LRP1B: variants seen among roughly 807,000 people sequenced by gnomAD.
The protein encoded by LRP1B is low-density lipoprotein receptor-related protein 1B.
LRP1B carries 217 observed loss-of-function variants against 556.6 expected under a neutral mutation model. The ratio of observed to expected loss-of-function variants is 0.39; its 90% CI spans 0.35 to 0.44. The LOEUF is 0.44. Ranked by LOEUF, LRP1B falls within the 20% of genes least tolerant of loss-of-function variation. The pLI, the probability that LRP1B is intolerant of heterozygous loss-of-function variation, is 1.00. For synonymous variants in LRP1B, 2,047 were observed against 1,865.8 expected, an observed-to-expected ratio of 1.10 and a Z score of -2.50; for missense variants, 5,053 against 5,620.8, an observed-to-expected ratio of 0.90 and a Z score of 3.23.
chr2:141,684,379 C>T (rs142993636), intron 2 of LRP1B, among the ~76,000 whole-genome samples: 33,685 of 151,932 alleles, frequency 0.22, 4,368 homozygotes, highest in East Asian at 0.5. Flanking sequence ...TGCATGTTCT[C>T]TCTCATAAGT....
At chr2:140,829,756 A>G (rs1691650666) in intron 31 of LRP1B, among the ~76,000 whole-genome samples, 1 of 152,072 alleles carries the variant, frequency 6.6e-6, no homozygotes, top group African/African-American at 2.4e-5. Flanking sequence ...TAGTAGAAGA[A>G]AAATAATGAT....
At chr2:141,392,612 G>A (rs984509034) in intron 3 of LRP1B, among the ~76,000 whole-genome samples, 3 of 152,102 alleles carry the variant, frequency 2.0e-5, no homozygotes, top group African/African-American at 7.2e-5. Flanking sequence ...AGAATCTGCT[G>A]GAAGCCAAGT....
intron 35 of LRP1B, among the ~76,000 whole-genome samples, chr2:140,767,645 A>T (rs142271226): frequency 2.0e-5 from 3 of 151,126 alleles, no homozygotes; most frequent in African/African-American, 7.3e-5. Context: ...TATTTTTTTT[A>T]ATTATTATTT....
At chr2:140,599,179 T>C (rs1312270105) in intron 42 of LRP1B, among the ~76,000 whole-genome samples, 1 of 152,094 alleles carries the variant, frequency 6.6e-6, no homozygotes, top group Admixed American at 6.6e-5. Flanking sequence ...ACTGCAAATA[T>C]ACCCTAACTT....
Position 141,048,232 on chromosome 2 carries a change from T to C in LRP1B, c.1789+754A>G, listed in dbSNP as rs1032528743. Among the ~76,000 whole-genome samples the C allele has an allele frequency of 1.8e-4, 28 of 152,210 alleles. 1 individual carries two copies. The highest frequency in any genetic ancestry group is 6.7e-4 in the African/African-American group (28 of 41,574). ...CAGACTTTATACATGAGGAAACAGG[T>C]CCAGAATCATTAGTTAACATGCCTA... On this transcript the variant is annotated intron_variant, in intron 11 of 90. Coordinates refer to ENST00000389484, the MANE Select transcript of LRP1B (RefSeq NM_018557.3).
intron 2 of LRP1B, among the ~76,000 whole-genome samples, chr2:141,574,691 T>C (rs1686670667): frequency 6.6e-6 from 1 of 152,018 alleles, no homozygotes; most frequent in Non-Finnish European, 1.5e-5. Context: ...TGACATTATT[T>C]TATATTAAGA....
At chr2:141,918,001 T>C (rs1700083282) in intron 1 of LRP1B, among the ~76,000 whole-genome samples, 1 of 152,114 alleles carries the variant, frequency 6.6e-6, no homozygotes, top group South Asian at 2.1e-4. Context: ...AAACATTATA[T>C]ATTATGCATA....
intron 77 of LRP1B, among the ~76,000 whole-genome samples, chr2:140,350,302 T>C (rs1411574776): frequency 1.3e-5 from 2 of 152,052 alleles, no homozygotes; most frequent in African/African-American, 4.8e-5. Flanking sequence ...TATTTCTGTT[T>C]TGGATATTTC....
At chr2:140,868,401 G>A (rs186156241) in intron 25 of LRP1B, 138 bp from the exon 26 acceptor site, 95 of 720,610 alleles carry the variant, frequency 1.3e-4, no homozygotes, top group Middle Eastern at 4.3e-4. Flanking sequence ...ATCTATCCTC[G>A]TGGGGCTTAT....
intron 3 of LRP1B, among the ~76,000 whole-genome samples, chr2:141,433,328 G>C (rs1374783971): frequency 1.3e-5 from 2 of 151,990 alleles, no homozygotes; most frequent in African/African-American, 4.8e-5. Context: ...TCCTATCCTA[G>C]AAAGTGGTCC....
At chr2:142,080,197 A>T (rs1184798954) in intron 1 of LRP1B, among the ~76,000 whole-genome samples, 4 of 152,158 alleles carry the variant, frequency 2.6e-5, no homozygotes, top group South Asian at 2.1e-4. Flanking sequence ...CTGCTGCTAC[A>T]TGTCTTCCAG....
chr2:140,771,116 A>C (rs1312966085), intron 33 of LRP1B, 110 bp from the exon 34 acceptor site: 4 of 701,216 alleles, frequency 5.7e-6, no homozygotes, highest in Non-Finnish European at 9.1e-6. Flanking sequence ...TTCTAAATGC[A>C]GCTGTTTCAT....
chr2:141,013,892 T>C, intron 13 of LRP1B, 147 bp from the exon 14 acceptor site: 1 of 488,752 alleles, frequency 2.0e-6, no homozygotes, highest in Non-Finnish European at 3.4e-6. Flanking sequence ...AAAATGGATT[T>C]CACAATGTGA....
intron 49 of LRP1B, among the ~76,000 whole-genome samples, chr2:140,517,984 C>T (rs763155354): frequency 2.6e-5 from 4 of 152,200 alleles, no homozygotes; most frequent in Admixed American, 2.6e-4. Context: ...GCTGGGATTA[C>T]AGGTGTGAGC....
At chr2:141,854,702 GA>G (rs1697988613) in intron 1 of LRP1B, among the ~76,000 whole-genome samples, 3 of 152,050 alleles carry the variant, frequency 2.0e-5, no homozygotes, top group Admixed American at 2.0e-4. Context: ...GCATAAAGGG[GA>G]AAAATATTTA....
rs1193232251 is a variant in LRP1B at position 140,350,834 on chromosome 2, T to C, written c.11855A>G (p.His3952Arg). 2.5e-6 allele frequency: 4 copies of C among 1,611,552 alleles called. No individual in the cohort carries two copies. Among genetic ancestry groups the C allele is most frequent in the East Asian group, 2.2e-5 (1 of 44,492 alleles). Residue 3952 changes from histidine to arginine, a missense_variant, in exon 77 of 91, where the codon CAT becomes CGT. His to Arg is a conservative substitution (Grantham distance 29). Coordinates refer to ENST00000389484, the MANE Select transcript of LRP1B (RefSeq NM_018557.3). ...GTTTGCTTGCCTTTTTTCTCTGCCA[T>C]GGATCCTTTTGTAGAAAATTCCGCC... ...NPGGIFYKRI[H>R]GREKRQANSG...
chr2:140,733,990 T>A (rs288118), intron 35 of LRP1B, among the ~76,000 whole-genome samples: 6 of 152,152 alleles, frequency 3.9e-5, no homozygotes, highest in African/African-American at 9.7e-5. Context: ...CTGGGAATAC[T>A]CCTGCTTAAC....
At chr2:141,819,937 C>T (rs1307724398) in intron 1 of LRP1B, among the ~76,000 whole-genome samples, 1 of 152,060 alleles carries the variant, frequency 6.6e-6, no homozygotes, top group Non-Finnish European at 1.5e-5. Flanking sequence ...AATAATTACA[C>T]ATTATTTTTG....
At chr2:142,030,875 T>A (rs1703667893) in intron 1 of LRP1B, among the ~76,000 whole-genome samples, 1 of 151,924 alleles carries the variant, frequency 6.6e-6, no homozygotes, top group Non-Finnish European at 1.5e-5. Flanking sequence ...ACTTTAGCTT[T>A]TCCCAGCCAC....
Sources: allele counts gnomAD v4.1 joint callset (sites outside exome capture counted in the v4.1 genomes callset), GRCh38; gene constraint gnomAD v4.1.1; transcripts MANE v1.5; gene names NCBI Gene and HGNC (gene_info 2026-07-23, HGNC 2026-07-21).